The following SIPA1L1 variants were observed in gnomAD, a reference collection of about 807,000 sequenced individuals.
The protein encoded by SIPA1L1 is signal-induced proliferation-associated 1-like protein 1.
Under a neutral mutation model 162.7 loss-of-function variants are expected in SIPA1L1, and 26 were observed. That is an observed-to-expected ratio of 0.16 (90% confidence interval 0.12 to 0.22). The LOEUF (loss-of-function observed/expected upper bound fraction) is 0.22, where lower values mean the gene tolerates loss of function less well. Ranked by LOEUF, SIPA1L1 falls within the 10% of genes least tolerant of loss-of-function variation. The pLI, the probability that SIPA1L1 is intolerant of heterozygous loss-of-function variation, is 1.00. For missense variants in SIPA1L1, 1,874 were observed against 2,241.0 expected (o/e 0.84, Z 3.31); for synonymous variants, 829 against 837.4 (o/e 0.99, Z 0.17).
intron 2 of SIPA1L1, among the ~76,000 whole-genome samples, chr14:71,491,629 G>A (rs978933443): frequency 4.6e-5 from 7 of 151,790 alleles, no homozygotes; most frequent in African/African-American, 1.2e-4. Context: ...CGACCTCCCC[G>A]GCTCAAGCAA....
chr14:71,364,964 C>G (rs1372435869), intron 2 of SIPA1L1, among the ~76,000 whole-genome samples: 1 of 152,038 alleles, frequency 6.6e-6, no homozygotes, highest in Non-Finnish European at 1.5e-5. Flanking sequence ...CCAGGCTGGT[C>G]TCGAATTCCT....
rs563677709 is a variant in SIPA1L1 at position 71,567,418 on chromosome 14, ATAAC to A, written c.-302-20151_-302-20148del. 3.8e-4 allele frequency among the ~76,000 whole-genome samples: 58 copies of A among 152,326 alleles called. 1 individual carries two copies. In the East Asian group the frequency reaches 0.011, roughly 28 times the overall value. On this transcript the variant is annotated intron_variant, in intron 4 of 23. Coordinates refer to ENST00000381232, the MANE Select transcript of SIPA1L1 (RefSeq NM_001386936.1). The stretch of plus-strand genomic sequence containing the variant: ...AACAGAAGCCGTTTATAAAGGATCT[ATAAC>A]TTTTTGTAGCAACGTGGAGAAATCT...
intron 2 of SIPA1L1, among the ~76,000 whole-genome samples, chr14:71,379,931 AT>A (rs929041850): frequency 2.0e-5 from 3 of 152,254 alleles, no homozygotes; most frequent in African/African-American, 7.2e-5. Context: ...ATGATTAGCT[AT>A]TTTTTGTGTT....
chr14:71,515,722 C>G (rs2051652160), intron 3 of SIPA1L1, among the ~76,000 whole-genome samples: 1 of 152,106 alleles, frequency 6.6e-6, no homozygotes. Context: ...TCAGCAACTT[C>G]TACCTCCTGG....
chr14:71,708,478 C>T (rs1305788899), intron 16 of SIPA1L1, among the ~76,000 whole-genome samples: 1 of 152,038 alleles, frequency 6.6e-6, no homozygotes, highest in Non-Finnish European at 1.5e-5. Context: ...GCAGGCACCA[C>T]CATGCCTGGC....
chr14:71,492,782 G>A (rs1362948614), intron 2 of SIPA1L1, among the ~76,000 whole-genome samples: 4 of 150,006 alleles, frequency 2.7e-5, no homozygotes, highest in Non-Finnish European at 3.0e-5. Context: ...CACCATGCCT[G>A]GCTAGATTTT....
chr14:71,436,004 G>A (rs2044351158), intron 2 of SIPA1L1, among the ~76,000 whole-genome samples: 2 of 152,110 alleles, frequency 1.3e-5, no homozygotes, highest in Non-Finnish European at 2.9e-5. Flanking sequence ...GGTAGCGTGT[G>A]ATTTAACAAT....
chr14:71,598,175 C>T (rs1256273522), intron 5 of SIPA1L1: 14 of 983,850 alleles, frequency 1.4e-5, no homozygotes, highest in African/African-American at 1.7e-5. Context: ...TGGTGGTTAC[C>T]AAGACCACCA....
At chr14:71,706,456 A>G (rs1463954989) in intron 16 of SIPA1L1, among the ~76,000 whole-genome samples, 2 of 152,198 alleles carry the variant, frequency 1.3e-5, no homozygotes, top group East Asian at 3.8e-4. Flanking sequence ...AAAATTACAT[A>G]TATGGTTCCC....
intron 5 of SIPA1L1, among the ~76,000 whole-genome samples, chr14:71,604,890 G>A (rs2037305813): frequency 6.6e-6 from 1 of 151,780 alleles, no homozygotes. Flanking sequence ...TTCTGTTTGG[G>A]GATCTGTAAG....
At chr14:71,645,794 G>A (rs2042105576) in intron 7 of SIPA1L1, among the ~76,000 whole-genome samples, 1 of 152,156 alleles carries the variant, frequency 6.6e-6, no homozygotes, top group Admixed American at 6.5e-5. Flanking sequence ...GTGTTTTGAA[G>A]ATAGTTTTGA....
intron 4 of SIPA1L1, among the ~76,000 whole-genome samples, chr14:71,556,253 C>T (rs144432103): frequency 6.6e-6 from 1 of 152,326 alleles, no homozygotes; most frequent in African/African-American, 2.4e-5. Context: ...AACTCTCAAA[C>T]CGTGTCTTTC....
chr14:71,580,732 A>G (rs1197207069), intron 4 of SIPA1L1, among the ~76,000 whole-genome samples: 2 of 152,196 alleles, frequency 1.3e-5, no homozygotes, highest in South Asian at 2.1e-4. Context: ...AACAAAGTAT[A>G]GTATCTTAGA....
At chr14:71,676,339 C>T (rs1157748630) in intron 12 of SIPA1L1, among the ~76,000 whole-genome samples, 1 of 151,838 alleles carries the variant, frequency 6.6e-6, no homozygotes, top group Non-Finnish European at 1.5e-5. Context: ...ACAAGGCTCT[C>T]TTCCCTGTTC....
chr14:71,343,999 A>G (rs912150443), intron 2 of SIPA1L1, among the ~76,000 whole-genome samples: 8 of 152,226 alleles, frequency 5.3e-5, no homozygotes, highest in Non-Finnish European at 8.8e-5. Context: ...TGCAGTGTCC[A>G]CTGCGTGTCC....
At chr14:71,413,862 C>G (rs1433764736) in intron 2 of SIPA1L1, 1 of 151,808 alleles carries the variant, frequency 6.6e-6, no homozygotes, top group Non-Finnish European at 1.5e-5. Context: ...GATTTTTTTC[C>G]CCTTTTACTT....
At chr14:71,348,639 C>G (rs747680624) in intron 2 of SIPA1L1, among the ~76,000 whole-genome samples, 1 of 152,058 alleles carries the variant, frequency 6.6e-6, no homozygotes, top group Non-Finnish European at 1.5e-5. Flanking sequence ...ATCTGTGTTC[C>G]GCTTTATTAA....
At position 71,671,474 on chromosome 14, in the gene SIPA1L1, G is replaced by A. The variant is rs1297000256; in HGVS notation, c.2611G>A (p.Ala871Thr). ...AGTCCGGGCTGAAGACTACAACAAGGCCATGGAACTAGACTGCCTTTTAGG... is the reference window on the plus strand; with the variant it reads ...AGTCCGGGCTGAAGACTACAACAAGACCATGGAACTAGACTGCCTTTTAGG... ...WAVRAEDYNK[A>T]MELDCLLGIS... is the part of the protein sequence containing the mutation. The change falls in exon 11 of 24, where the codon GCC becomes ACC. Residue 871 changes from alanine (A) to threonine (T), a missense_variant. This residue lies in a region of SIPA1L1 where 243 missense variants were observed against 315.0 expected (regional missense o/e 0.77). Transcript: ENST00000381232. 6.2e-7 allele frequency: 1 copy of A among 1,614,000 alleles called. No homozygotes were observed. Among genetic ancestry groups the A allele is most frequent in the African/African-American group, 1.3e-5 (1 of 74,912 alleles).
At chr14:71,585,855 T>C (rs1567246508) in intron 4 of SIPA1L1, among the ~76,000 whole-genome samples, 2 of 152,232 alleles carry the variant, frequency 1.3e-5, no homozygotes. Context: ...TTTGGTTCAG[T>C]TGTTCAATTT....
Sources: allele counts gnomAD v4.1 joint callset (sites outside exome capture counted in the v4.1 genomes callset), GRCh38; gene constraint gnomAD v4.1.1; regional missense constraint gnomAD v4.1.1; transcripts MANE v1.5; gene names NCBI Gene and HGNC (gene_info 2026-07-23, HGNC 2026-07-21).